Variants in FAM227B observed in about 807,000 individuals in gnomAD.
The protein encoded by FAM227B is protein FAM227B.
FAM227B carries 88 observed loss-of-function variants against 73.8 expected under a neutral mutation model. That is an observed-to-expected ratio of 1.19 (90% CI 1.00 to 1.42). The LOEUF is 1.42. Among genes scored for constraint, FAM227B ranks in the 40% most tolerant of loss-of-function variants. The probability of loss-of-function intolerance (pLI) is 0.00; values close to 1 mark genes in which losing one functional copy is unlikely to be tolerated. For synonymous variants in FAM227B, 210 were observed against 190.5 expected (o/e 1.10, Z -0.84); for missense variants, 632 against 590.9 (o/e 1.07, Z -0.72).
At chr15:49,489,821 T>TATATATATATATATATA (rs2056781384) in intron 11 of FAM227B, among the ~76,000 whole-genome samples, 1 of 27,942 alleles carries the variant, frequency 3.6e-5, no homozygotes, top group Non-Finnish European at 6.6e-5. Context: ...ATATATATAT[T>TATATATATATATATATA]TTATATATAT....
At chr15:49,495,947 C>G (rs891374943) in intron 11 of FAM227B, among the ~76,000 whole-genome samples, 2 of 151,978 alleles carry the variant, frequency 1.3e-5, no homozygotes, top group Non-Finnish European at 2.9e-5. Context: ...TGCTTGAACC[C>G]GGGAGGCAGA....
At chr15:49,457,201 A>G (rs562294132) in intron 11 of FAM227B, among the ~76,000 whole-genome samples, 5 of 152,146 alleles carry the variant, frequency 3.3e-5, no homozygotes, top group Admixed American at 3.3e-4. Flanking sequence ...AGTTTATTGG[A>G]TTCATTGGAA....
In FAM227B at chr15:49,458,591, CTCTTG is replaced by C. The variant is rs1332088569; in HGVS notation, c.1012+49615_1012+49619del. ...AAAATTGCTTTTTACCATTGCCAAG[CTCTTG>C]TCTTTATAGAAATCAGAGGGAACTT... On this transcript the variant is annotated intron_variant, in intron 11 of 15. Transcript: ENST00000299338. Among the ~76,000 whole-genome samples, 9 of 152,170 alleles carry C rather than the reference CTCTTG, an allele frequency of 5.9e-5. No individual in the cohort carries two copies. The East Asian group carries it at 1.7e-3, about 29-fold the overall frequency.
At chr15:49,541,271 A>C (rs1017875912) in intron 10 of FAM227B, among the ~76,000 whole-genome samples, 1 of 152,094 alleles carries the variant, frequency 6.6e-6, no homozygotes, top group Non-Finnish European at 1.5e-5. Flanking sequence ...ATTCACAAAC[A>C]GGTTTTCCTT....
chr15:49,340,398 GCCCCGCCCCC>G (rs2040502320), intron 13 of FAM227B, among the ~76,000 whole-genome samples: 1 of 80,314 alleles, frequency 1.2e-5, no homozygotes, highest in Admixed American at 1.2e-4. Flanking sequence ...GTGAGGCAGT[GCCCCGCCCCC>G]CCCCTCCCCC....
intron 3 of FAM227B, among the ~76,000 whole-genome samples, chr15:49,595,818 C>T (rs975251919): frequency 1.3e-5 from 2 of 151,856 alleles, no homozygotes; most frequent in Non-Finnish European, 2.9e-5. Flanking sequence ...ACGCAAAAGA[C>T]ATTGAAAAGT....
At chr15:49,461,806 A>T (rs1018772967) in intron 11 of FAM227B, among the ~76,000 whole-genome samples, 12 of 152,214 alleles carry the variant, frequency 7.9e-5, no homozygotes, top group Non-Finnish European at 1.8e-4. Flanking sequence ...TTTAATTTCA[A>T]ATTAAACAAC....
intron 5 of FAM227B, among the ~76,000 whole-genome samples, chr15:49,583,523 C>G (rs935483841): frequency 2.0e-5 from 3 of 152,088 alleles, no homozygotes; most frequent in Non-Finnish European, 4.4e-5. Context: ...CATGAATAAT[C>G]CACCCGTTGT....
intron 10 of FAM227B, among the ~76,000 whole-genome samples, chr15:49,511,362 T>C (rs2058986169): frequency 6.6e-6 from 1 of 151,788 alleles, no homozygotes; most frequent in African/African-American, 2.4e-5. Context: ...TATTTATTCT[T>C]GTCAACTTGT....
chr15:49,508,191 T>C lies in FAM227B; in HGVS notation c.1012+20A>G, dbSNP rs1484909137. On this transcript the variant is annotated intron_variant, in intron 11 of 15. Coordinates refer to ENST00000299338, the MANE Select transcript of FAM227B (RefSeq NM_152647.3). ...TTTTGCTACCTATTCCATTTGGCAG[T>C]ATACAGAAACTTTACTTACTAGTTG... The C allele has an allele frequency of 1.3e-6, 2 of 1,597,874 alleles. No individual in the cohort carries two copies. Among genetic ancestry groups the C allele is most frequent in the Non-Finnish European group, 1.7e-6 (2 of 1,174,484 alleles).
At chr15:49,476,687 ATAT>A (rs2055352617) in intron 11 of FAM227B, among the ~76,000 whole-genome samples, 2 of 152,190 alleles carry the variant, frequency 1.3e-5, no homozygotes, top group African/African-American at 4.8e-5. Context: ...ACACTCAATG[ATAT>A]TATATTATTA....
chr15:49,327,089 C>A lies in FAM227B; in HGVS notation c.*1479G>T, dbSNP rs1012107515. The stretch of plus-strand genomic sequence containing the variant: ...ATTGCATCTTTTAAAGCTAAGTGAT[C>A]TGTGTACATTGTGATAGGGCCTTTC... On this transcript the variant is annotated 3_prime_UTR_variant, in exon 16 of 16. Transcript: ENST00000299338. 1 of 152,150 alleles carries A rather than the reference C, an allele frequency of 6.6e-6. No homozygotes were observed. Among genetic ancestry groups the A allele is most frequent in the Non-Finnish European group, 1.5e-5 (1 of 68,030 alleles). 9.4% of individuals were successfully genotyped at this position (152,150 alleles called of 1,614,324 possible).
chr15:49,568,161 C>T lies in FAM227B; in HGVS notation c.747+84G>A, dbSNP rs2074806672. On this transcript the variant is annotated intron_variant, in intron 9 of 15. Transcript: ENST00000299338. ...TTTCAAAAGTAACAAAATATATTCT[C>T]ATATGGGTTTAAATAAAATAACGAT... The T allele has an allele frequency of 2.5e-6, 3 of 1,188,934 alleles. No individual in the cohort carries two copies. The East Asian group carries it at 7.7e-5, about 31-fold the overall frequency. 73.6% of individuals were successfully genotyped at this position (1,188,934 alleles called of 1,614,324 possible).
chr15:49,424,634 C>A (rs2049972599), intron 11 of FAM227B: 3 of 1,367,510 alleles, frequency 2.2e-6, no homozygotes, highest in South Asian at 3.2e-5. Flanking sequence ...GTTAATGGAT[C>A]AATTTTCAGG....
In FAM227B at chr15:49,365,769, C is replaced by T. The variant is rs181254203; in HGVS notation, c.1271+1679G>A. ...AAGCCCACCTGTCTTCATTTTGAAA[C>T]ACAGCCCAAACAATAGCTATTGCTA... On this transcript the variant is annotated intron_variant, in intron 13 of 15. Coordinates refer to ENST00000299338, the MANE Select transcript of FAM227B (RefSeq NM_152647.3). 1.9e-4 allele frequency: 159 copies of T among 857,992 alleles called. 1 individual carries two copies. In the East Asian group the frequency reaches 3.5e-3, roughly 19 times the overall value. The allele number at this position is 857,992 out of a possible 1,614,324, so 53.1% of individuals were successfully genotyped here.
rs1391482590 is a variant in FAM227B, at chr15:49,520,727, C to A, written c.875-12379G>T. 1.3e-5 allele frequency among the ~76,000 whole-genome samples: 2 copies of A among 152,080 alleles called. 1 individual carries two copies. Among genetic ancestry groups the A allele is most frequent in the South Asian group, 4.1e-4 (2 of 4,828 alleles). On this transcript the variant is annotated intron_variant, in intron 10 of 15. Transcript: ENST00000299338. Reference sequence around the variant, plus strand: ...TGAGAACAGCGTGGGAAAAACTCATCCCCATGATTCAATTACCTCCCATCA... The same window carrying A: ...TGAGAACAGCGTGGGAAAAACTCATACCCATGATTCAATTACCTCCCATCA...
At chr15:49,509,655 T>C (rs2058841308) in intron 10 of FAM227B, among the ~76,000 whole-genome samples, 1 of 152,080 alleles carries the variant, frequency 6.6e-6, no homozygotes, top group Non-Finnish European at 1.5e-5. Context: ...TATTTACAAG[T>C]TTTAATTCAA....
intron 9 of FAM227B, among the ~76,000 whole-genome samples, chr15:49,553,611 G>A (rs922863017): frequency 5.9e-5 from 9 of 152,204 alleles, no homozygotes; most frequent in African/African-American, 2.2e-4. Context: ...CAAATCACAA[G>A]ATGCAGTCCT....
chr15:49,468,436 T>A (rs916733483), intron 11 of FAM227B, among the ~76,000 whole-genome samples: 5 of 152,200 alleles, frequency 3.3e-5, no homozygotes, highest in African/African-American at 1.2e-4. Context: ...GTTTTCTAAT[T>A]TCTTTTAGTG....
Sources: allele counts gnomAD v4.1 joint callset (sites outside exome capture counted in the v4.1 genomes callset), GRCh38; gene constraint gnomAD v4.1.1; transcripts MANE v1.5; gene names NCBI Gene and HGNC (gene_info 2026-07-23, HGNC 2026-07-21).